The following GBE1 variants were observed in gnomAD, a reference collection of about 807,000 sequenced individuals.
The protein encoded by GBE1 is 1,4-alpha-glucan-branching enzyme.
A neutral mutation model predicts 88.8 loss-of-function variants in GBE1; 70 were observed. The observed-to-expected ratio is 0.79, with a 90% confidence interval of 0.65 to 0.96. The LOEUF is 0.96. Ranked by LOEUF, GBE1 falls within the 40% of genes least tolerant of loss-of-function variation. The probability of loss-of-function intolerance (pLI) is 0.00; values close to 1 mark genes in which losing one functional copy is unlikely to be tolerated. For synonymous variants in GBE1, 284 were observed against 300.1 expected (o/e 0.95, Z 0.56); for missense variants, 872 against 871.0 (o/e 1.00, Z -0.01).
At chr3:81,700,055 G>A (rs2594563) in intron 2 of GBE1, among the ~76,000 whole-genome samples, 2,404 of 152,240 alleles carry the variant, frequency 0.016, 57 homozygotes, top group African/African-American at 0.054. Context: ...CCATATTGGG[G>A]TTACTCCATT....
chr3:81,710,544 A>G (rs534628257), intron 1 of GBE1, among the ~76,000 whole-genome samples: 1 of 152,126 alleles, frequency 6.6e-6, no homozygotes, highest in South Asian at 2.1e-4. Context: ...ACTCTGTTAC[A>G]CACCAAATGT....
chr3:81,689,446 A>G (rs1705487119), intron 2 of GBE1, among the ~76,000 whole-genome samples: 1 of 152,260 alleles, frequency 6.6e-6, no homozygotes, highest in African/African-American at 2.4e-5. Flanking sequence ...TCCACCAACA[A>G]TTGTCATGTT....
chr3:81,494,981 A>G (rs369320430), intron 15 of GBE1, among the ~76,000 whole-genome samples: 3 of 152,236 alleles, frequency 2.0e-5, no homozygotes, highest in Admixed American at 2.0e-4. Context: ...TTAAAAAAAG[A>G]AAAGTTTAAA....
intron 3 of GBE1, among the ~76,000 whole-genome samples, chr3:81,669,178 C>A (rs1022263755): frequency 6.6e-6 from 1 of 152,138 alleles, no homozygotes; most frequent in Non-Finnish European, 1.5e-5. Flanking sequence ...GTCACAGAAT[C>A]AAGGAATTCA....
chr3:81,628,144 G>A (rs1704445451), intron 7 of GBE1, among the ~76,000 whole-genome samples: 1 of 152,012 alleles, frequency 6.6e-6, no homozygotes, highest in Admixed American at 6.6e-5. Context: ...TCAGACTCAG[G>A]CGGCCCCCTT....
intron 14 of GBE1, among the ~76,000 whole-genome samples, chr3:81,511,942 C>T (rs6769230): frequency 1.3e-5 from 2 of 150,932 alleles, no homozygotes; most frequent in South Asian, 2.1e-4. Context: ...AGGGAATCAA[C>T]GTAGGTGCCC....
At chr3:81,685,645 G>A (rs1418906044) in intron 2 of GBE1, among the ~76,000 whole-genome samples, 1 of 152,112 alleles carries the variant, frequency 6.6e-6, no homozygotes, top group East Asian at 1.9e-4. Flanking sequence ...GCCTCCCAAA[G>A]TGCTGGTATT....
intron 1 of GBE1, among the ~76,000 whole-genome samples, chr3:81,716,257 A>G (rs1705935607): frequency 6.6e-6 from 1 of 152,200 alleles, no homozygotes; most frequent in Non-Finnish European, 1.5e-5. Context: ...TCAAATTAAT[A>G]AAATATATAG....
At chr3:81,616,141 T>C (rs996250114) in intron 7 of GBE1, among the ~76,000 whole-genome samples, 4 of 152,174 alleles carry the variant, frequency 2.6e-5, no homozygotes, top group African/African-American at 9.6e-5. Context: ...TCTTTGGGTA[T>C]ATGCTTTGCA....
chr3:81,641,100 G>A (rs182244359), intron 7 of GBE1, among the ~76,000 whole-genome samples: 1 of 152,164 alleles, frequency 6.6e-6, no homozygotes, highest in East Asian at 1.9e-4. Flanking sequence ...AAATAAAAAT[G>A]TTGTATAACA....
intron 1 of GBE1, among the ~76,000 whole-genome samples, chr3:81,710,610 G>A (rs1301085948): frequency 1.3e-5 from 2 of 151,810 alleles, no homozygotes; most frequent in South Asian, 4.2e-4. Context: ...CATGTTAATT[G>A]GGGGCTCGGG....
At chr3:81,531,813 G>A (rs1427757240) in intron 14 of GBE1, among the ~76,000 whole-genome samples, 1 of 152,032 alleles carries the variant, frequency 6.6e-6, no homozygotes, top group Non-Finnish European at 1.5e-5. Flanking sequence ...AGTCCTTGTG[G>A]TCTAGACTTT....
chr3:81,496,014 C>T (rs1702496347), intron 15 of GBE1, among the ~76,000 whole-genome samples: 2 of 152,296 alleles, frequency 1.3e-5, no homozygotes, highest in South Asian at 4.1e-4. Flanking sequence ...AATCTCTTAT[C>T]TCTCATTTGT....
At chr3:81,563,208 C>T (rs1247261190) in intron 12 of GBE1, among the ~76,000 whole-genome samples, 1 of 152,080 alleles carries the variant, frequency 6.6e-6, no homozygotes, top group African/African-American at 2.4e-5. Flanking sequence ...GAAAGAAGAT[C>T]TGTAGGTTTT....
intron 3 of GBE1, among the ~76,000 whole-genome samples, chr3:81,652,820 A>T (rs1704869706): frequency 2.0e-5 from 3 of 152,210 alleles, no homozygotes; most frequent in Non-Finnish European, 2.9e-5. Flanking sequence ...GCAAAGAGTA[A>T]AGACTATAGC....
At chr3:81,636,794 T>C (rs1704598546) in intron 7 of GBE1, among the ~76,000 whole-genome samples, 1 of 152,154 alleles carries the variant, frequency 6.6e-6, no homozygotes, top group Non-Finnish European at 1.5e-5. Context: ...CCTCCCAAAA[T>C]GCCGGGATTA....
At chr3:81,519,560 C>G (rs1458608116) in intron 14 of GBE1, among the ~76,000 whole-genome samples, 1 of 148,464 alleles carries the variant, frequency 6.7e-6, no homozygotes, top group Non-Finnish European at 1.5e-5. Context: ...TATATACCAA[C>G]ACAAACACTT....
chr3:81,573,383 G>T (rs1703600194), intron 12 of GBE1, among the ~76,000 whole-genome samples: 1 of 152,038 alleles, frequency 6.6e-6, no homozygotes, highest in Non-Finnish European at 1.5e-5. Context: ...TTCCAAGCTG[G>T]TTTGGCTAAA....
chr3:81,568,126 C>G (rs1015693234), intron 12 of GBE1, among the ~76,000 whole-genome samples: 1 of 152,042 alleles, frequency 6.6e-6, no homozygotes, highest in African/African-American at 2.4e-5. Flanking sequence ...ATTTAAAGAT[C>G]TAGCTTACAG....
Sources: gnomAD v4.1 joint callset for allele counts (sites outside exome capture counted in the v4.1 genomes callset) on GRCh38, gnomAD v4.1.1 for gene constraint, MANE v1.5 for transcripts, NCBI Gene and HGNC (gene_info 2026-07-23, HGNC 2026-07-21) for gene names.